COL21A1: variants seen among roughly 807,000 people sequenced by gnomAD.
COL21A1 encodes the protein collagen alpha-1(XXI) chain.
In COL21A1, 149 loss-of-function variants were observed where a neutral mutation model predicts 137.9. That is an observed-to-expected ratio of 1.08 (90% CI 0.95 to 1.24). The LOEUF (loss-of-function observed/expected upper bound fraction) is 1.24. COL21A1 is among the 50% of genes most tolerant of loss of function. The pLI is 0.00. For synonymous variants in COL21A1, 456 were observed against 391.5 expected, an observed-to-expected ratio of 1.16 and a Z score of -1.95; for missense variants, 1,167 against 1,158.4, an observed-to-expected ratio of 1.01 and a Z score of -0.11.
At chr6:56,125,516 C>T in intron 14 of COL21A1, 51 bp downstream of exon 14, 1 of 1,311,956 alleles carries the variant, frequency 7.6e-7, no homozygotes. Context: ...TTTCTGTTTC[C>T]ATTACATTAA....
At chr6:56,346,926 T>C (rs1368286702) in intron 1 of COL21A1, among the ~76,000 whole-genome samples, 1 of 152,100 alleles carries the variant, frequency 6.6e-6, no homozygotes, top group Non-Finnish European at 1.5e-5. Context: ...CTCTTGGGTG[T>C]CATGATGTCA....
rs1765453673 is a variant in COL21A1 at position 56,057,754 on chromosome 6, A to C, written c.2777T>G (p.Ile926Ser). ...GCCTGGGGGGCCTGGTTGCCCTTGG[A>C]TTCCAGGTTTTCCATGGTCTCCATC... ...GKDGDHGKPG[I>S]QGQPGPPGIC... Residue 926 changes from isoleucine (I) to serine (S), a missense_variant, in exon 30 of 30, where the codon ATC (isoleucine) becomes AGC (serine). Physicochemically the swap from Ile to Ser is moderately radical, Grantham distance 142. Coordinates refer to ENST00000244728, the MANE Select transcript of COL21A1 (RefSeq NM_030820.4). 6.2e-7 allele frequency: 1 copy of C among 1,611,874 alleles called. No homozygotes were observed. Among genetic ancestry groups the C allele is most frequent in the Non-Finnish European group, 8.5e-7 (1 of 1,179,064 alleles).
intron 17 of COL21A1, among the ~76,000 whole-genome samples, chr6:56,088,105 T>C (rs1768428717): frequency 6.6e-6 from 1 of 152,208 alleles, no homozygotes; most frequent in Non-Finnish European, 1.5e-5. Flanking sequence ...GGCTCACACC[T>C]GTAATCCTAG....
chr6:56,254,906 A>G (rs1005637628), intron 1 of COL21A1, among the ~76,000 whole-genome samples: 1 of 152,176 alleles, frequency 6.6e-6, no homozygotes, highest in Non-Finnish European at 1.5e-5. Context: ...TTAGTTTCAC[A>G]AATTCTCATT....
intron 1 of COL21A1, among the ~76,000 whole-genome samples, chr6:56,349,517 G>A (rs1232947780): frequency 2.6e-5 from 4 of 152,146 alleles, no homozygotes; most frequent in Non-Finnish European, 4.4e-5. Context: ...TATCACCAAA[G>A]TGGCAATAGG....
chr6:56,057,553 G>A lies in COL21A1; in HGVS notation c.*104C>T. ...AGAAAAAAAAAATAAAAACACCGAG[G>A]TACTTAAGTTTCTTTTCAAGGGATT... On this transcript the variant is annotated 3_prime_UTR_variant, in exon 30 of 30. Transcript: ENST00000244728. 1 of 1,014,154 alleles carries A rather than the reference G, an allele frequency of 9.9e-7. No individual in the cohort carries two copies. Among genetic ancestry groups the A allele is most frequent in the Non-Finnish European group, 1.5e-6 (1 of 679,418 alleles). The allele number at this position is 1,014,154 out of a possible 1,614,324, so 62.8% of individuals were successfully genotyped here. A position where few individuals can be genotyped will look rare whatever the true frequency, so the allele number is the denominator to read the frequency against.
At chr6:56,229,216 AC>A (rs1285079787) in intron 1 of COL21A1, among the ~76,000 whole-genome samples, 1 of 151,850 alleles carries the variant, frequency 6.6e-6, no homozygotes, top group East Asian at 1.9e-4. Flanking sequence ...CCCTGTCTCT[AC>A]AAAAAAAAAT....
intron 1 of COL21A1, among the ~76,000 whole-genome samples, chr6:56,359,737 T>G (rs1336542882): frequency 6.6e-6 from 1 of 152,172 alleles, no homozygotes; most frequent in African/African-American, 2.4e-5. Context: ...AAGTAGTGCA[T>G]TAAATTAAAC....
chr6:56,345,256 G>C (rs191581817), intron 1 of COL21A1, among the ~76,000 whole-genome samples: 3 of 152,162 alleles, frequency 2.0e-5, no homozygotes, highest in Admixed American at 6.5e-5. Context: ...CCAAAAGAAT[G>C]CAACTGTGAA....
chr6:56,146,438 A>G (rs1464499611), intron 10 of COL21A1, among the ~76,000 whole-genome samples: 1 of 152,126 alleles, frequency 6.6e-6, no homozygotes, highest in African/African-American at 2.4e-5. Context: ...TATAACTAAT[A>G]TAGAAACTAG....
intron 22 of COL21A1, among the ~76,000 whole-genome samples, chr6:56,068,509 C>T (rs1766455953): frequency 6.6e-6 from 1 of 151,502 alleles, no homozygotes; most frequent in East Asian, 1.9e-4. Context: ...GTTTTACTGT[C>T]TTTCCTTGCC....
Position 56,161,388 on chromosome 6 carries a change from C to T in COL21A1, c.1371+3035G>A, listed in dbSNP as rs1250844417. On this transcript the variant is annotated intron_variant, in intron 9 of 29. Coordinates refer to ENST00000244728, the MANE Select transcript of COL21A1 (RefSeq NM_030820.4). ...GGGAAGAAGCTGTTATTTGCATGCACGGGTCATTTGAAAGGAAGTTATCTG... is the reference window on the plus strand; with the variant it reads ...GGGAAGAAGCTGTTATTTGCATGCATGGGTCATTTGAAAGGAAGTTATCTG... Among the ~76,000 whole-genome samples, 4 of 152,046 alleles carry T rather than the reference C, an allele frequency of 2.6e-5. No homozygotes were observed. The South Asian group carries it at 6.2e-4, about 24-fold the overall frequency.
chr6:56,111,712 A>C (rs890459736), intron 16 of COL21A1, among the ~76,000 whole-genome samples: 5 of 123,512 alleles, frequency 4.0e-5, no homozygotes, highest in South Asian at 2.3e-4. Flanking sequence ...AAAAATACAA[A>C]AAAAAAAAAA....
intron 1 of COL21A1, among the ~76,000 whole-genome samples, chr6:56,382,376 A>G (rs1006579224): frequency 1.3e-5 from 2 of 152,240 alleles, no homozygotes; most frequent in African/African-American, 2.4e-5. Context: ...GGAAAGCGTT[A>G]TGAAGAAACG....
chr6:56,176,145 C>T (rs1046697187), intron 3 of COL21A1, among the ~76,000 whole-genome samples: 4 of 152,152 alleles, frequency 2.6e-5, no homozygotes, highest in African/African-American at 9.6e-5. Context: ...AAGACTTAAA[C>T]ATAAGATCTG....
At chr6:56,279,886 A>G (rs1763753223) in intron 1 of COL21A1, among the ~76,000 whole-genome samples, 1 of 152,174 alleles carries the variant, frequency 6.6e-6, no homozygotes, top group South Asian at 2.1e-4. Flanking sequence ...AATCTAGGTT[A>G]ATGTTTAATA....
At chr6:56,341,125 T>A (rs1765458692) in intron 1 of COL21A1, among the ~76,000 whole-genome samples, 1 of 152,156 alleles carries the variant, frequency 6.6e-6, no homozygotes, top group South Asian at 2.1e-4. Context: ...TGGATCCCAA[T>A]ATTAGACTTC....
intron 2 of COL21A1, among the ~76,000 whole-genome samples, chr6:56,181,243 A>G (rs1777866951): frequency 6.6e-6 from 1 of 152,216 alleles, no homozygotes; most frequent in Non-Finnish European, 1.5e-5. Flanking sequence ...CATGGCGGCC[A>G]CTGCCAGAGG....
Position 56,151,760 on chromosome 6 carries a change from A to G in COL21A1, c.1434+5127T>C, listed in dbSNP as rs550035149. 1.2e-4 allele frequency among the ~76,000 whole-genome samples: 18 copies of G among 152,266 alleles called. No homozygotes were observed. The South Asian group carries it at 3.7e-3, about 32-fold the overall frequency. On this transcript the variant is annotated intron_variant, in intron 10 of 29. Coordinates refer to ENST00000244728, the MANE Select transcript of COL21A1 (RefSeq NM_030820.4). The stretch of plus-strand genomic sequence containing the variant: ...TTCCTTCCAAGTTTCCTTGGTCCAG[A>G]TGGCTCCAATAGCCAGCCAGAGGCC...
Sources: gnomAD v4.1 joint callset for allele counts (sites outside exome capture counted in the v4.1 genomes callset) on GRCh38, gnomAD v4.1.1 for gene constraint, MANE v1.5 for transcripts, NCBI Gene and HGNC (gene_info 2026-07-23, HGNC 2026-07-21) for gene names.